The following MARVELD2 variants were observed in gnomAD, a reference collection of about 807,000 sequenced individuals.
The protein encoded by MARVELD2 is MARVEL domain containing 2.
Under a neutral mutation model 57.6 loss-of-function variants are expected in MARVELD2, and 49 were observed. That is an observed-to-expected ratio of 0.85 (90% CI 0.68 to 1.08). MARVELD2 has a LOEUF of 1.08. Ranked by LOEUF, MARVELD2 falls within the 50% of genes least tolerant of loss-of-function variation. The pLI, the probability that MARVELD2 is intolerant of heterozygous loss-of-function variation, is 0.00. For synonymous variants in MARVELD2, 238 were observed against 258.8 expected (o/e 0.92, Z 0.77); for missense variants, 606 against 701.1 (o/e 0.86, Z 1.53).
At chr5:69,416,460 C>CT (rs1287518715) in intron 1 of MARVELD2, among the ~76,000 whole-genome samples, 1 of 152,168 alleles carries the variant, frequency 6.6e-6, no homozygotes, top group Non-Finnish European at 1.5e-5. Context: ...CTTGCTTGCC[C>CT]TCTTAACGTC....
chr5:69,420,654 C>CTT (rs552654549), intron 2 of MARVELD2, 123 bp downstream of exon 2: 331 of 766,666 alleles, frequency 4.3e-4, no homozygotes, highest in Middle Eastern at 8.0e-4. Context: ...TTCTTTCTTC[C>CTT]TTTTTTTTTT....
At chr5:69,433,280 A>G (rs1413690139) in intron 5 of MARVELD2, among the ~76,000 whole-genome samples, 187 bp downstream of exon 5, 1 of 147,744 alleles carries the variant, frequency 6.8e-6, no homozygotes, top group Non-Finnish European at 1.5e-5. Flanking sequence ...CTCCTGCCTC[A>G]GCCTCCCGAG....
intron 2 of MARVELD2, among the ~76,000 whole-genome samples, chr5:69,422,640 G>A (rs1002452806): frequency 2.0e-5 from 3 of 152,126 alleles, no homozygotes; most frequent in Middle Eastern, 3.4e-3. Context: ...CTGTGATCTC[G>A]CCCTGCCTCC....
intron 5 of MARVELD2, among the ~76,000 whole-genome samples, chr5:69,437,509 C>T (rs1767191517): frequency 6.6e-6 from 1 of 151,356 alleles, no homozygotes; most frequent in Non-Finnish European, 1.5e-5. Context: ...ATAGTGAAAC[C>T]CCGTCCCTAC....
chr5:69,417,666 G>A (rs561557267), intron 1 of MARVELD2, among the ~76,000 whole-genome samples: 5 of 152,148 alleles, frequency 3.3e-5, no homozygotes, highest in South Asian at 2.1e-4. Context: ...ATTAGCGGCC[G>A]AGCGTGGTGG....
intron 5 of MARVELD2, among the ~76,000 whole-genome samples, chr5:69,439,055 C>T: frequency 7.7e-6 from 1 of 129,288 alleles, no homozygotes. Flanking sequence ...AGAGCAAGAC[C>T]CTGTCTCAAA....
Position 69,419,582 on chromosome 5 carries a change from C to T in MARVELD2, c.197C>T (p.Thr66Ile). ...PFGPDFYSSDTEEPAIAPDLK... is the reference protein window; with the variant it reads ...PFGPDFYSSDIEEPAIAPDLK... ...GGCCCAGACTTCTACTCAAGTGACACAGAAGAACCAGCTATAGCGCCAGAT... is the reference window on the plus strand; with the variant it reads ...GGCCCAGACTTCTACTCAAGTGACATAGAAGAACCAGCTATAGCGCCAGAT... Residue 66 changes from threonine to isoleucine, a missense_variant, in exon 2 of 7, where the codon ACA becomes ATA. By Grantham distance (89) the Thr-to-Ile change is moderately conservative. Coordinates refer to ENST00000325631, the MANE Select transcript of MARVELD2 (RefSeq NM_001038603.3). 6.2e-7 allele frequency: 1 copy of T among 1,614,040 alleles called. No homozygotes were observed. Among genetic ancestry groups the T allele is most frequent in the Non-Finnish European group, 8.5e-7 (1 of 1,179,974 alleles).
intron 5 of MARVELD2, among the ~76,000 whole-genome samples, chr5:69,439,062 CA>C (rs11315832): frequency 0.49 from 44,097 of 89,542 alleles, 6,707 homozygotes; most frequent in South Asian, 0.52. Context: ...GACCCTGTCT[CA>C]AAAAAAAAAA....
chr5:69,417,952 A>AG, intron 1 of MARVELD2, among the ~76,000 whole-genome samples: 1 of 151,478 alleles, frequency 6.6e-6, no homozygotes, highest in East Asian at 1.9e-4. Context: ...AAAAAAAAAA[A>AG]AAAGAATTAG....
chr5:69,436,057 T>A (rs1212054601), intron 5 of MARVELD2, among the ~76,000 whole-genome samples: 1 of 152,216 alleles, frequency 6.6e-6, no homozygotes, highest in South Asian at 2.1e-4. Context: ...TTTGGTCATT[T>A]CCAAATGTCT....
At chr5:69,437,009 T>G (rs540707659) in intron 5 of MARVELD2, among the ~76,000 whole-genome samples, 1 of 150,236 alleles carries the variant, frequency 6.7e-6, no homozygotes, top group African/African-American at 2.4e-5. Context: ...GAGGCCAAGG[T>G]GAAACCGCGT....
intron 5 of MARVELD2, 30 bp downstream of exon 5, chr5:69,433,123 A>G (rs761788841): frequency 1.3e-6 from 2 of 1,525,670 alleles, no homozygotes; most frequent in African/African-American, 2.7e-5. Flanking sequence ...TAGGAGGAGC[A>G]CTGAAATCTA....
intron 3 of MARVELD2, among the ~76,000 whole-genome samples, chr5:69,432,202 G>T (rs1766985955): frequency 6.6e-6 from 1 of 152,052 alleles, no homozygotes; most frequent in East Asian, 1.9e-4. Flanking sequence ...ATAGAGATGG[G>T]GTTTTACCAT....
intron 2 of MARVELD2, among the ~76,000 whole-genome samples, chr5:69,423,461 G>A (rs1485120150): frequency 6.6e-6 from 1 of 151,858 alleles, no homozygotes; most frequent in Non-Finnish European, 1.5e-5. Context: ...GTATCACTAT[G>A]TTACCCAGGC....
chr5:69,428,158 G>C (rs1053369022), intron 3 of MARVELD2, among the ~76,000 whole-genome samples: 8 of 151,606 alleles, frequency 5.3e-5, no homozygotes, highest in African/African-American at 1.9e-4. Flanking sequence ...ACTGATGATC[G>C]GGAAGGTTCA....
chr5:69,432,459 G>A (rs1766992352), intron 3 of MARVELD2, 68 bp from the exon 4 acceptor site: 1 of 1,536,466 alleles, frequency 6.5e-7, no homozygotes. Flanking sequence ...CATTTTCTAA[G>A]AATGAATTCA....
At chr5:69,423,497 A>G (rs1766691600) in intron 2 of MARVELD2, among the ~76,000 whole-genome samples, 1 of 151,906 alleles carries the variant, frequency 6.6e-6, no homozygotes, top group Admixed American at 6.6e-5. Context: ...GGGCTCAAGC[A>G]ATCCTCCTGC....
At chr5:69,433,467 T>G in intron 5 of MARVELD2, 1 of 249,614 alleles carries the variant, frequency 4.0e-6, no homozygotes, top group Non-Finnish European at 7.7e-6. Flanking sequence ...TCTGGCTTTT[T>G]TTTTTTTTTA....
In MARVELD2 at chr5:69,428,537, A is replaced by C. The variant is rs1442116083; in HGVS notation, c.1182+3901A>C. Among the ~76,000 whole-genome samples, 2 of 110,176 alleles carry C rather than the reference A, an allele frequency of 1.8e-5. 1 individual carries two copies. Among genetic ancestry groups the C allele is most frequent in the Non-Finnish European group, 3.9e-5 (2 of 51,468 alleles). 72.3% of individuals were successfully genotyped at this position (110,176 alleles called of 152,430 possible). A position where few individuals can be genotyped will look rare whatever the true frequency, so the allele number is the denominator to read the frequency against. The stretch of plus-strand genomic sequence containing the variant: ...ATAAATAAATTAAGTAATTAAAATA[A>C]ATTTAAAGCAGATGAAATGTCTACA... On this transcript the variant is annotated intron_variant, in intron 3 of 6. Transcript: ENST00000325631.
Sources: gnomAD v4.1 joint callset for allele counts (sites outside exome capture counted in the v4.1 genomes callset) on GRCh38, gnomAD v4.1.1 for gene constraint, MANE v1.5 for transcripts, NCBI Gene and HGNC (gene_info 2026-07-23, HGNC 2026-07-21) for gene names.